The following KCNN2 variants were observed in gnomAD, a reference collection of about 807,000 sequenced individuals.
The protein encoded by KCNN2 is potassium calcium-activated channel subfamily N member 2.
A neutral mutation model predicts 55.5 loss-of-function variants in KCNN2; 24 were observed. That is an observed-to-expected ratio of 0.43 (90% CI 0.31 to 0.61). The LOEUF (loss-of-function observed/expected upper bound fraction) is 0.61, where lower values mean the gene tolerates loss of function less well. KCNN2 is among the 20% of genes least tolerant of loss of function. The probability of loss-of-function intolerance (pLI) is 0.08; values close to 1 mark genes in which losing one functional copy is unlikely to be tolerated. For synonymous variants in KCNN2, 431 were observed against 336.1 expected (o/e 1.28, Z -3.09); for missense variants, 754 against 853.6 (o/e 0.88, Z 1.45).
At chr5:114,329,295 G>A (rs1166517225) in intron 2 of KCNN2, among the ~76,000 whole-genome samples, 3 of 152,204 alleles carry the variant, frequency 2.0e-5, no homozygotes, top group African/African-American at 7.2e-5. Flanking sequence ...TGTCTGTGAG[G>A]GTGTTGCCAA....
At chr5:114,116,843 T>C (rs1483623300) in intron 1 of KCNN2, among the ~76,000 whole-genome samples, 3 of 152,136 alleles carry the variant, frequency 2.0e-5, no homozygotes, top group African/African-American at 7.2e-5. Flanking sequence ...GATTGGATAT[T>C]AGGGATGAGG....
intron 1 of KCNN2, among the ~76,000 whole-genome samples, chr5:114,110,797 A>G (rs2112582459): frequency 6.6e-6 from 1 of 152,194 alleles, no homozygotes; most frequent in East Asian, 1.9e-4. Flanking sequence ...AATCATATCT[A>G]CAGACAGCTA....
At position 114,414,513 on chromosome 5, in the gene KCNN2, G is replaced by A. The variant is rs148992380; in HGVS notation, c.1637+9657G>A. 2.8e-3 allele frequency among the ~76,000 whole-genome samples: 422 copies of A among 152,216 alleles called. 3 individuals are homozygous for A. Among genetic ancestry groups the A allele is most frequent in the African/African-American group, 8.1e-3 (337 of 41,534 alleles). On this transcript the variant is annotated intron_variant, in intron 3 of 7. Coordinates refer to ENST00000673685, the MANE Select transcript of KCNN2 (RefSeq NM_021614.4). ...CTATGGATGGTTCCTGAGGCTCTGC[G>A]GAGAGGGGCATCAGTCTGTCCCACC...
intron 1 of KCNN2, among the ~76,000 whole-genome samples, chr5:114,205,205 G>A (rs1311396157): frequency 3.3e-5 from 5 of 152,120 alleles, no homozygotes; most frequent in Non-Finnish European, 7.4e-5. Flanking sequence ...TAGGACATAC[G>A]TTTAAACTTG....
chr5:114,126,379 G>C (rs542186863), intron 1 of KCNN2, among the ~76,000 whole-genome samples: 2 of 152,060 alleles, frequency 1.3e-5, no homozygotes, highest in African/African-American at 4.8e-5. Flanking sequence ...ATGGCAGAAG[G>C]GGAAGCAAAC....
intron 1 of KCNN2, among the ~76,000 whole-genome samples, chr5:114,191,509 G>A (rs1214756310): frequency 6.6e-6 from 1 of 152,136 alleles, no homozygotes; most frequent in Non-Finnish European, 1.5e-5. Context: ...AGGCATGTGG[G>A]AAGAAGTGGT....
At chr5:114,327,795 G>A (rs1375482808) in intron 2 of KCNN2, among the ~76,000 whole-genome samples, 1 of 152,198 alleles carries the variant, frequency 6.6e-6, no homozygotes, top group Non-Finnish European at 1.5e-5. Flanking sequence ...TAAATAGAGT[G>A]TTCAGGTAGT....
At chr5:114,118,696 T>C (rs931915156) in intron 1 of KCNN2, among the ~76,000 whole-genome samples, 4 of 152,074 alleles carry the variant, frequency 2.6e-5, no homozygotes, top group African/African-American at 9.7e-5. Context: ...CAGATGCATC[T>C]AGAAATGTTT....
At chr5:114,268,601 G>C (rs373182083) in intron 2 of KCNN2, among the ~76,000 whole-genome samples, 1 of 152,206 alleles carries the variant, frequency 6.6e-6, no homozygotes. Flanking sequence ...AGAAGGTCAT[G>C]ATCAGAGGTG....
At chr5:114,204,920 A>G (rs1368880085) in intron 1 of KCNN2, among the ~76,000 whole-genome samples, 1 of 152,270 alleles carries the variant, frequency 6.6e-6, no homozygotes. Flanking sequence ...ACATCAAGAC[A>G]TTATAGCATA....
chr5:114,185,920 G>T (rs1753323374), intron 1 of KCNN2, among the ~76,000 whole-genome samples: 1 of 152,174 alleles, frequency 6.6e-6, no homozygotes, highest in African/African-American at 2.4e-5. Flanking sequence ...ATGATCATTG[G>T]ATTGAAGAGA....
chr5:114,375,020 C>T (rs955902195), intron 2 of KCNN2, among the ~76,000 whole-genome samples: 2 of 152,084 alleles, frequency 1.3e-5, no homozygotes, highest in African/African-American at 4.8e-5. Flanking sequence ...TTAGTTTTGA[C>T]AAAGACATAC....
exon 1 of KCNN2, chr5:114,056,142 G>C (rs1305044386): frequency 5.2e-6 from 2 of 386,202 alleles, no homozygotes; most frequent in African/African-American, 4.1e-5. Flanking sequence ...AGCCAGGTGG[G>C]AGCTGGGCGC....
intron 2 of KCNN2, among the ~76,000 whole-genome samples, chr5:114,285,058 G>T (rs184455255): frequency 2.9e-4 from 44 of 151,080 alleles, no homozygotes; most frequent in African/African-American, 1.0e-3. Context: ...TGAGGCGGGC[G>T]GATCACGAGG....
At chr5:114,347,948 G>A (rs570047662) in intron 2 of KCNN2, among the ~76,000 whole-genome samples, 2 of 152,112 alleles carry the variant, frequency 1.3e-5, no homozygotes, top group Non-Finnish European at 2.9e-5. Flanking sequence ...ACTCAGGTAA[G>A]TCTGATCCTA....
At chr5:114,139,478 A>G (rs1752233279) in intron 1 of KCNN2, among the ~76,000 whole-genome samples, 1 of 138,828 alleles carries the variant, frequency 7.2e-6, no homozygotes, top group South Asian at 2.4e-4. Flanking sequence ...ACACACACAC[A>G]CCAGAAAGGA....
At chr5:114,383,464 CTTTTTTTTTTTTT>C (rs66787954) in intron 2 of KCNN2, among the ~76,000 whole-genome samples, 45 of 102,702 alleles carry the variant, frequency 4.4e-4, no homozygotes, top group South Asian at 6.6e-4. Flanking sequence ...CCACTAAATG[CTTTTTTTTTTTTT>C]TTTTTTTTTT....
At chr5:114,409,879 C>CGAG (rs1289192517) in intron 3 of KCNN2, among the ~76,000 whole-genome samples, 1 of 152,136 alleles carries the variant, frequency 6.6e-6, no homozygotes, top group African/African-American at 2.4e-5. Flanking sequence ...CTCTCTCTCT[C>CGAG]TCTCTCTCTT....
rs36935 is a variant in KCNN2, at chr5:114,343,456, T to A, written c.-184-17489T>A. On this transcript the variant is annotated intron_variant, in intron 2 of 10. Coordinates refer to the KCNN2 transcript ENST00000512097. ...CCTGAATACATCTTTCAACTGTGAC[T>A]TAACTAAAATAAGAGGTAGGATTTA... is the stretch of plus-strand genomic sequence containing the variant. 4.6e-5 allele frequency among the ~76,000 whole-genome samples: 7 copies of A among 151,958 alleles called. No homozygotes were observed. The East Asian group carries it at 5.8e-4, about 13-fold the overall frequency.
Sources: allele counts gnomAD v4.1 joint callset (sites outside exome capture counted in the v4.1 genomes callset), GRCh38; gene constraint gnomAD v4.1.1; transcripts MANE v1.5; gene names NCBI Gene and HGNC (gene_info 2026-07-23, HGNC 2026-07-21).